The following RADIL variants were observed in gnomAD, a reference collection of about 807,000 sequenced individuals.
RADIL encodes the protein ras-associating and dilute domain-containing protein.
A neutral mutation model predicts 97.6 loss-of-function variants in RADIL; 99 were observed. The ratio of observed to expected loss-of-function variants is 1.01; its 90% CI spans 0.86 to 1.20. The LOEUF (loss-of-function observed/expected upper bound fraction) is 1.20. RADIL is among the 50% of genes most tolerant of loss of function. The pLI is 0.00. For missense variants in RADIL, 1,765 were observed against 1,498.9 expected (o/e 1.18, Z -2.93); for synonymous variants, 803 against 691.8 (o/e 1.16, Z -2.52).
intron 2 of RADIL, chr7:4,858,946 T>C (rs1783903372): frequency 2.0e-5 from 3 of 152,332 alleles, no homozygotes; most frequent in South Asian, 4.1e-4. Context: ...CAAGAGAATA[T>C]GGAGCTTTGA....
At chr7:4,864,678 T>C (rs555143195) in intron 2 of RADIL, among the ~76,000 whole-genome samples, 25 of 152,326 alleles carry the variant, frequency 1.6e-4, no homozygotes, top group African/African-American at 5.5e-4. Context: ...CCTCCCTGTT[T>C]TGCATCCTCA....
Position 4,800,121 on chromosome 7 carries a change from G to A in RADIL, c.2982+50C>T, listed in dbSNP as rs371413261. ...TGCGGCCAGGCTTGCATGAACAGGC[G>A]GGGCCAGGCAGCCAGTATGGGGGTG... On this transcript the variant is annotated intron_variant, in intron 13 of 14. Transcript: ENST00000399583. 47 of 1,570,486 alleles carry A rather than the reference G, an allele frequency of 3.0e-5. 1 individual carries two copies. The highest frequency in any genetic ancestry group is 2.8e-4 in the Admixed American group (15 of 54,398).
rs1317863621 is a variant in RADIL, at chr7:4,800,172, A to G, written c.2981T>C (p.Met994Thr). ...CGGCGAGGGTCCTGGGCCACTCACC[A>G]TCCCGTCGATCAGGCCCATCCCCAG... The part of the protein sequence containing the change: ...SGLGMGLIDG[M>T]HTHLGAPGLY... The change falls in exon 13 of 15, where the codon ATG becomes ACG. Residue 994 changes from methionine to threonine, a missense_variant and splice_region_variant. Coordinates refer to ENST00000399583, the MANE Select transcript of RADIL (RefSeq NM_018059.5). 15 of 1,606,328 alleles carry G rather than the reference A, an allele frequency of 9.3e-6. No homozygotes were observed. Among genetic ancestry groups the G allele is most frequent in the Non-Finnish European group, 1.1e-5 (13 of 1,177,944 alleles).
rs1054912585 is a variant in RADIL at position 4,865,429 on chromosome 7, T to C, written c.535+12176A>G. ...TACAAAATATTTCAGATAAATGGAATTTAATCCTTGTCTTCCTCCTCTTCT... is the reference window on the plus strand; with the variant it reads ...TACAAAATATTTCAGATAAATGGAACTTAATCCTTGTCTTCCTCCTCTTCT... On this transcript the variant is annotated intron_variant, in intron 2 of 14. Coordinates refer to ENST00000399583, the MANE Select transcript of RADIL (RefSeq NM_018059.5). 10 of 690,838 alleles carry C rather than the reference T, an allele frequency of 1.4e-5. No homozygotes were observed. The African/African-American group carries it at 1.6e-4, about 11-fold the overall frequency. 42.8% of individuals were successfully genotyped at this position (690,838 alleles called of 1,614,324 possible). A position where few individuals can be genotyped will look rare whatever the true frequency, so the allele number is the denominator to read the frequency against.
At chr7:4,853,469 A>G (rs13242220) in intron 2 of RADIL, among the ~76,000 whole-genome samples, 72,918 of 151,794 alleles carry the variant, frequency 0.48, 18,937 homozygotes, top group African/African-American at 0.68. Context: ...TAGGCCGGGC[A>G]TGTTGGCTCA....
At chr7:4,846,072 A>G (rs191963192) in intron 2 of RADIL, among the ~76,000 whole-genome samples, 1 of 151,478 alleles carries the variant, frequency 6.6e-6, no homozygotes, top group African/African-American at 2.4e-5. Flanking sequence ...GCGCTGTTTC[A>G]TCTCAGGCAC....
rs918558786 is a variant in RADIL, at chr7:4,821,249, G to A, written c.1615+1145C>T. 8.5e-5 allele frequency among the ~76,000 whole-genome samples: 13 copies of A among 152,254 alleles called. 1 individual carries two copies. Among genetic ancestry groups the A allele is most frequent in the South Asian group, 4.1e-4 (2 of 4,824 alleles). ...CTCAGGACCCTCTGGCACTGTGCCC[G>A]CCTGACAGCCCACCCCACAGATGTG... On this transcript the variant is annotated intron_variant, in intron 6 of 14. Transcript: ENST00000399583. This position sits in a 1 kb window ranked among gnomAD's most constrained non-coding sequence, Gnocchi z 5.2.
Position 4,830,245 on chromosome 7 carries a change from C to T in RADIL, c.1454+1896G>A, listed in dbSNP as rs566416268. Reference sequence around the variant, plus strand: ...GAGAGCAGTGGCTGAAAGTCATTCCCTGCCACCAGGAGGAGACATGTGGCG... The same window carrying T: ...GAGAGCAGTGGCTGAAAGTCATTCCTTGCCACCAGGAGGAGACATGTGGCG... On this transcript the variant is annotated intron_variant, in intron 5 of 14. Transcript: ENST00000399583. 4.6e-5 allele frequency among the ~76,000 whole-genome samples: 7 copies of T among 152,332 alleles called. No individual in the cohort carries two copies. The South Asian group carries it at 1.4e-3, about 32-fold the overall frequency.
At chr7:4,870,722 G>A (rs1784232832) in intron 2 of RADIL, among the ~76,000 whole-genome samples, 1 of 152,212 alleles carries the variant, frequency 6.6e-6, no homozygotes, top group Non-Finnish European at 1.5e-5. Flanking sequence ...GGGATTACAG[G>A]CGTGAGCCAC....
chr7:4,799,590 A>G (rs375040149), intron 14 of RADIL, 40 bp downstream of exon 14: 599 of 1,606,946 alleles, frequency 3.7e-4, no homozygotes, highest in Non-Finnish European at 4.7e-4. Context: ...TGAGCAGGGC[A>G]TCTGGGAGAA....
At chr7:4,807,465 T>G (rs1019173728) in intron 9 of RADIL, among the ~76,000 whole-genome samples, 1 of 151,596 alleles carries the variant, frequency 6.6e-6, no homozygotes, top group Non-Finnish European at 1.5e-5. Context: ...CTCTCCTCCT[T>G]CTTCCCTCTC....
chr7:4,801,593 C>T, intron 12 of RADIL, 60 bp downstream of exon 12: 1 of 1,504,574 alleles, frequency 6.6e-7, no homozygotes, highest in Middle Eastern at 2.4e-4. Context: ...GGGGACCGGC[C>T]ATCAGGGTGC....
At chr7:4,860,373 T>C in intron 2 of RADIL, 2 of 1,613,968 alleles carry the variant, frequency 1.2e-6, no homozygotes, top group Non-Finnish European at 1.7e-6. Context: ...TTCATACCCA[T>C]CTCAAACATC....
intron 5 of RADIL, among the ~76,000 whole-genome samples, chr7:4,831,148 A>G (rs1481208060): frequency 6.6e-6 from 1 of 150,758 alleles, no homozygotes; most frequent in Non-Finnish European, 1.5e-5. Flanking sequence ...CCGAGATCTC[A>G]TTATTGCACT....
intron 2 of RADIL, among the ~76,000 whole-genome samples, chr7:4,869,772 C>G (rs1300033947): frequency 6.6e-6 from 1 of 152,142 alleles, no homozygotes; most frequent in Non-Finnish European, 1.5e-5. Context: ...AGGTCAATCC[C>G]TCCCACCCTT....
At position 4,877,979 on chromosome 7, in the gene RADIL, T is replaced by A. The variant is rs1784408918; in HGVS notation, c.161A>T (p.Glu54Val). 2 of 1,611,696 alleles carry A rather than the reference T, an allele frequency of 1.2e-6. No homozygotes were observed. The highest frequency in any genetic ancestry group is 1.7e-6 in the Non-Finnish European group (2 of 1,179,880). The change falls in exon 2 of 15, where the codon GAG becomes GTG. Residue 54 changes from glutamate (E) to valine (V), a missense_variant. Glu to Val is a moderately radical substitution (Grantham distance 121, BLOSUM62 -2). Coordinates refer to ENST00000399583, the MANE Select transcript of RADIL (RefSeq NM_018059.5). ...SSLGASDDPA[E>V]LSTQLSAPGV... ...AGGGGCCGACAGCTGGGTGGAGAGC[T>A]CGGCGGGGTCATCGCTGGCGCCCAG...
intron 2 of RADIL, among the ~76,000 whole-genome samples, chr7:4,862,910 A>AT (rs1784052189): frequency 6.6e-6 from 1 of 150,676 alleles, no homozygotes; most frequent in Admixed American, 6.6e-5. Flanking sequence ...AAAAAAAAAT[A>AT]AAATTAAAAA....
In RADIL at chr7:4,798,334, G is replaced by T. The variant is rs1032267311; in HGVS notation, c.*1044C>A. On this transcript the variant is annotated 3_prime_UTR_variant, in exon 15 of 15. Coordinates refer to ENST00000399583, the MANE Select transcript of RADIL (RefSeq NM_018059.5). ...GGCCCAGGGCCTGGGACAGACCCAGGACACCGATCTGGGGACCCCGCACAG... is the reference window on the plus strand; with the variant it reads ...GGCCCAGGGCCTGGGACAGACCCAGTACACCGATCTGGGGACCCCGCACAG... 6.6e-6 allele frequency: 1 copy of T among 152,122 alleles called. No individual in the cohort carries two copies. The highest frequency in any genetic ancestry group is 2.4e-5 in the African/African-American group (1 of 41,420). 9.4% of individuals were successfully genotyped at this position (152,122 alleles called of 1,614,324 possible).
chr7:4,840,990 C>T lies in RADIL; in HGVS notation c.536-4385G>A, dbSNP rs554092729. Among the ~76,000 whole-genome samples the T allele has an allele frequency of 2.0e-5, 3 of 152,282 alleles. No homozygotes were observed. The highest frequency in any genetic ancestry group is 4.4e-5 in the Non-Finnish European group (3 of 68,030). On this transcript the variant is annotated intron_variant, in intron 2 of 14. Transcript: ENST00000399583. This position sits in a 1 kb window ranked among gnomAD's most constrained non-coding sequence, Gnocchi z 5.6. ...TCAAAACAAAACAAAACAACAACAACGAAAAGAAACCACTATTTCAAAACA... is the reference window on the plus strand; with the variant it reads ...TCAAAACAAAACAAAACAACAACAATGAAAAGAAACCACTATTTCAAAACA...
Sources: gnomAD v4.1 joint callset for allele counts (sites outside exome capture counted in the v4.1 genomes callset) on GRCh38, gnomAD v4.1.1 for gene constraint, Gnocchi (gnomAD v3.1) non-coding constraint, MANE v1.5 for transcripts, NCBI Gene and HGNC (gene_info 2026-07-23, HGNC 2026-07-21) for gene names.